Variants in CLDN18 observed in about 807,000 individuals in gnomAD.
CLDN18 encodes the protein claudin 18, also known as claudin-18.
In CLDN18, 20 loss-of-function variants were observed where a neutral mutation model predicts 25.0. The ratio of observed to expected loss-of-function variants is 0.80; its 90% confidence interval spans 0.56 to 1.16. The LOEUF is 1.16. Among genes scored for constraint, CLDN18 ranks in the 50% most tolerant of loss-of-function variants. The pLI is 0.00. For synonymous variants in CLDN18, 125 were observed against 135.6 expected, an observed-to-expected ratio of 0.92 and a Z score of 0.54; for missense variants, 297 against 345.4, an observed-to-expected ratio of 0.86 and a Z score of 1.11.
At chr3:138,020,188 T>C (rs1284599994) in intron 1 of CLDN18, among the ~76,000 whole-genome samples, 2 of 151,940 alleles carry the variant, frequency 1.3e-5, no homozygotes, top group African/African-American at 4.8e-5. Context: ...ACATAGGGGG[T>C]TTCTGGCAAT....
Position 138,031,105 on chromosome 3 carries a change from G to C in CLDN18, c.750G>C (p.Glu250Asp). 6.2e-7 allele frequency: 1 copy of C among 1,613,908 alleles called. No individual in the cohort carries two copies. Among genetic ancestry groups the C allele is most frequent in the Non-Finnish European group, 8.5e-7 (1 of 1,179,980 alleles). The change falls in exon 5 of 5, where the codon GAG becomes GAC. Residue 250 changes from glutamate (E) to aspartate (D), a missense_variant. By Grantham distance (45) the Glu-to-Asp change is conservative (BLOSUM62 2). Transcript: ENST00000183605. ...IYDGGARTED[E>D]VQSYPSKHDY... is the part of the protein sequence containing the mutation. ...ATGGAGGTGCCCGCACAGAGGACGAGGTACAATCTTATCCTTCCAAGCACG... is the reference window on the plus strand; with the variant it reads ...ATGGAGGTGCCCGCACAGAGGACGACGTACAATCTTATCCTTCCAAGCACG...
In CLDN18 at chr3:138,029,905, C is replaced by G. The variant is rs924404044; in HGVS notation, c.612C>G (p.Thr204=). 2.6e-6 allele frequency: 4 copies of G among 1,565,082 alleles called. No homozygotes were observed. Among genetic ancestry groups the G allele is most frequent in the Admixed American group, 3.6e-5 (2 of 55,402 alleles). Residue 204 remains threonine, a splice_region_variant and synonymous_variant, in exon 4 of 5, where the codon ACC becomes ACG. Transcript: ENST00000183605. ...IACRGLAPEE[T]NYKAVSYHAS... is the part of the protein sequence containing the mutation. The stretch of plus-strand genomic sequence containing the variant: ...GCCGGGGCCTGGCACCAGAAGAAAC[C>G]AAGTGAGTCTCCCTGTTCCGCTGCA...
chr3:137,999,726 C>T (rs1053127304), intron 1 of CLDN18, among the ~76,000 whole-genome samples: 2 of 152,148 alleles, frequency 1.3e-5, no homozygotes, highest in Admixed American at 6.5e-5. Flanking sequence ...GGCAAATGGG[C>T]GCTGCCATGC....
At chr3:138,009,943 C>G, upstream of CLDN18, 1 of 405,454 alleles carries the variant, frequency 2.5e-6, no homozygotes, top group Non-Finnish European at 4.5e-6. Context: ...TGGCCCGGAG[C>G]AGGGAGTCCT....
chr3:138,009,471 A>T (rs1942104740), upstream of CLDN18, among the ~76,000 whole-genome samples: 1 of 152,152 alleles, frequency 6.6e-6, no homozygotes, highest in Non-Finnish European at 1.5e-5. Flanking sequence ...AAGAGCATAG[A>T]TCTAGGATTT....
chr3:138,024,063 C>G (rs1191639292), intron 2 of CLDN18, among the ~76,000 whole-genome samples: 1 of 151,896 alleles, frequency 6.6e-6, no homozygotes, highest in Non-Finnish European at 1.5e-5. Context: ...ATAATGTCAG[C>G]ACTTTGAGAG....
intron 1 of CLDN18, among the ~76,000 whole-genome samples, chr3:138,012,370 C>T (rs1443686785): frequency 2.0e-5 from 3 of 152,182 alleles, no homozygotes; most frequent in African/African-American, 7.2e-5. Context: ...ACCCAAACAA[C>T]TTCCACGGTT....
chr3:138,010,884 A>G (rs1559804496), intron 1 of CLDN18, among the ~76,000 whole-genome samples: 2 of 152,126 alleles, frequency 1.3e-5, no homozygotes, highest in African/African-American at 4.8e-5. Context: ...TTTCCATTTC[A>G]ATTAAATTTT....
At chr3:138,030,915 G>A (rs1195436233) in intron 4 of CLDN18, 55 bp from the exon 5 acceptor site, 14 of 1,488,676 alleles carry the variant, frequency 9.4e-6, no homozygotes, top group Admixed American at 1.8e-5. Flanking sequence ...TAAATAGGAG[G>A]TTGGTCCTAC....
At chr3:138,026,510 T>C (rs1192199663) in intron 3 of CLDN18, among the ~76,000 whole-genome samples, 6 of 152,074 alleles carry the variant, frequency 3.9e-5, no homozygotes, top group Non-Finnish European at 8.8e-5. Flanking sequence ...CTGGGCGTGG[T>C]GGCAGGCGCC....
chr3:138,015,928 A>G (rs1297288719), intron 1 of CLDN18, among the ~76,000 whole-genome samples: 1 of 152,216 alleles, frequency 6.6e-6, no homozygotes, highest in African/African-American at 2.4e-5. Flanking sequence ...CTACAGATAG[A>G]TTAATGAGGT....
upstream of CLDN18, among the ~76,000 whole-genome samples, chr3:138,009,248 T>A (rs1942101964): frequency 6.6e-6 from 1 of 152,124 alleles, no homozygotes; most frequent in Non-Finnish European, 1.5e-5. Flanking sequence ...ACACGACAAG[T>A]TAGGGGCAGC....
upstream of CLDN18, chr3:138,005,196 T>G (rs1389175746): frequency 6.6e-6 from 1 of 152,210 alleles, no homozygotes; most frequent in Non-Finnish European, 1.5e-5. Flanking sequence ...TCATACAAAC[T>G]TGTTGGGTTT....
Position 138,031,208 on chromosome 3 carries a change from C to A in CLDN18, c.*67C>A, listed in dbSNP as rs1441329419. 2.2e-6 allele frequency: 3 copies of A among 1,380,398 alleles called. No individual in the cohort carries two copies. Among genetic ancestry groups the A allele is most frequent in the Admixed American group, 2.2e-5 (1 of 46,220 alleles). The allele number at this position is 1,380,398 out of a possible 1,614,324, so 85.5% of individuals were successfully genotyped here. A position where few individuals can be genotyped will look rare whatever the true frequency, so the allele number is the denominator to read the frequency against. On this transcript the variant is annotated 3_prime_UTR_variant, in exon 5 of 5. Coordinates refer to ENST00000183605, the MANE Select transcript of CLDN18 (RefSeq NM_016369.4). ...GAGCTCACCCAAAAAACAAGGAGAT[C>A]CCATCTAGATTTCTTCTTGCTTTTG...
intron 1 of CLDN18, among the ~76,000 whole-genome samples, chr3:138,016,720 C>T (rs945416391): frequency 2.0e-5 from 3 of 152,170 alleles, no homozygotes; most frequent in Non-Finnish European, 4.4e-5. Flanking sequence ...CTGGACCTCA[C>T]TTTCCCCATT....
rs188579671 is a variant in CLDN18 at position 138,002,003 on chromosome 3, A to G, written c.220+2915A>G. Among the ~76,000 whole-genome samples the G allele has an allele frequency of 1.3e-4, 20 of 152,286 alleles. No individual in the cohort carries two copies. The East Asian group carries it at 3.1e-3, about 24-fold the overall frequency. On this transcript the variant is annotated intron_variant, in intron 1 of 4. Transcript: ENST00000343735. ...TGAAACAGGACAAAGAAACAACCTC[A>G]AACAAGTGGATTTTTTTTTTATTTC...
At chr3:138,025,695 T>G (rs1307645458) in intron 3 of CLDN18, among the ~76,000 whole-genome samples, 1 of 152,192 alleles carries the variant, frequency 6.6e-6, no homozygotes, top group African/African-American at 2.4e-5. Flanking sequence ...CAGGTGCAAC[T>G]TAGAAGTAGG....
At chr3:138,008,216 G>GT (rs1444230007), upstream of CLDN18, among the ~76,000 whole-genome samples, 2 of 142,490 alleles carry the variant, frequency 1.4e-5, no homozygotes, top group East Asian at 2.3e-4. Context: ...GAGTATGTAT[G>GT]TGGGGGGGGA....
upstream of CLDN18, among the ~76,000 whole-genome samples, chr3:138,007,541 C>T (rs1166062506): frequency 1.1e-4 from 2 of 17,916 alleles, no homozygotes; most frequent in Non-Finnish European, 2.1e-4. Flanking sequence ...TGGGGCCTGT[C>T]GGGGGTCGGG....
Sources: gnomAD v4.1 joint callset for allele counts (sites outside exome capture counted in the v4.1 genomes callset) on GRCh38, gnomAD v4.1.1 for gene constraint, MANE v1.5 for transcripts, NCBI Gene and HGNC (gene_info 2026-07-23, HGNC 2026-07-21) for gene names.